The following NEBL variants were observed in gnomAD, a reference collection of about 807,000 sequenced individuals.
NEBL encodes nebulette, also known as LIM and SH3 protein 2.
In NEBL, 122 loss-of-function variants were observed where a neutral mutation model predicts 140.2. The ratio of observed to expected loss-of-function variants is 0.87; its 90% CI spans 0.75 to 1.01. The LOEUF (loss-of-function observed/expected upper bound fraction) is 1.01. NEBL is among the 50% of genes least tolerant of loss of function. The pLI is 0.00. For synonymous variants in NEBL, 436 were observed against 398.9 expected, an observed-to-expected ratio of 1.09 and a Z score of -1.11; for missense variants, 1,365 against 1,231.3, an observed-to-expected ratio of 1.11 and a Z score of -1.62.
chr10:21,235,122 C>G (rs1842330743), intron 3 of NEBL, among the ~76,000 whole-genome samples: 1 of 152,002 alleles, frequency 6.6e-6, no homozygotes, highest in African/African-American at 2.4e-5. Flanking sequence ...TAGTGAGATG[C>G]CATTTCTACA....
intron 4 of NEBL, among the ~76,000 whole-genome samples, chr10:20,957,307 T>C (rs1198707871): frequency 2.0e-5 from 3 of 152,164 alleles, no homozygotes; most frequent in Non-Finnish European, 4.4e-5. Flanking sequence ...TGAAAAATTA[T>C]GTAGTGTAGC....
At chr10:20,950,531 C>T (rs963174796) in intron 4 of NEBL, among the ~76,000 whole-genome samples, 5 of 152,158 alleles carry the variant, frequency 3.3e-5, no homozygotes, top group African/African-American at 1.2e-4. Flanking sequence ...CTAGGATGAA[C>T]ATGAAACACA....
intron 4 of NEBL, among the ~76,000 whole-genome samples, chr10:20,882,253 AAG>A (rs1444352456): frequency 2.6e-5 from 4 of 151,584 alleles, no homozygotes; most frequent in Non-Finnish European, 4.4e-5. Context: ...GGAAAAGGAA[AAG>A]AGAGGAGGAA....
intron 3 of NEBL, among the ~76,000 whole-genome samples, chr10:20,984,390 G>A (rs1163210099): frequency 2.6e-5 from 4 of 152,170 alleles, no homozygotes; most frequent in Non-Finnish European, 4.4e-5. Flanking sequence ...TGTTGTTTAT[G>A]TTTTTCATGT....
rs1839890581 is a variant in NEBL, at chr10:20,826,517, C to T, written c.1799G>A (p.Gly600Glu). The change falls in exon 18 of 28, where the codon GGA becomes GAA. Residue 600 changes from glycine to glutamate, a missense_variant. Gly to Glu is a moderately conservative substitution (Grantham distance 98). Coordinates refer to ENST00000377122, the MANE Select transcript of NEBL (RefSeq NM_006393.3). ...GCTATCTTTCACTGCAGTGCCAGCT[C>T]CCACTTCTTTCTTATAAAATACCTT... ...ISAVFYKKEVGAGTAVKDSPE... is the reference protein window; with the variant it reads ...ISAVFYKKEVEAGTAVKDSPE... 4 of 1,611,712 alleles carry T rather than the reference C, an allele frequency of 2.5e-6. No homozygotes were observed. Among genetic ancestry groups the T allele is most frequent in the African/African-American group, 1.3e-5 (1 of 74,842 alleles).
At position 21,101,742 on chromosome 10, in the gene NEBL, C is replaced by T. The variant is rs557875319; in HGVS notation, c.164+70641G>A. ...TTCCAGACCCAAGGAGTGTCAAGCACGCCACTAAAACAACTTTGTGCCCAG... is the reference window on the plus strand; with the variant it reads ...TTCCAGACCCAAGGAGTGTCAAGCATGCCACTAAAACAACTTTGTGCCCAG... On this transcript the variant is annotated intron_variant, in intron 2 of 6. Transcript: ENST00000417816. 9.8e-5 allele frequency among the ~76,000 whole-genome samples: 15 copies of T among 152,310 alleles called. 1 individual carries two copies. The highest frequency in any genetic ancestry group is 3.9e-4 in the East Asian group (2 of 5,186).
In NEBL at chr10:20,831,263, C is replaced by T. The variant is rs1392651216; in HGVS notation, c.1604G>A (p.Gly535Glu). Reference protein sequence around the residue: ...KDLENEIKGKGMQVSMDIPDI... With the variant: ...KDLENEIKGKEMQVSMDIPDI... ...TGGGATATCCATGCTCACTTGCATT[C>T]CTTTCCCTTTAATTTCATTTTCTAA... Residue 535 changes from glycine to glutamate, a missense_variant, in exon 16 of 28, where the codon GGA becomes GAA. By Grantham distance (98) the Gly-to-Glu change is moderately conservative. Transcript: ENST00000377122. 5 of 1,613,258 alleles carry T rather than the reference C, an allele frequency of 3.1e-6. No individual in the cohort carries two copies. The highest frequency in any genetic ancestry group is 4.2e-6 in the Non-Finnish European group (5 of 1,179,674).
chr10:20,809,724 T>C, intron 25 of NEBL, 82 bp downstream of exon 25: 2 of 1,121,728 alleles, frequency 1.8e-6, no homozygotes, highest in Non-Finnish European at 2.7e-6. Flanking sequence ...CATTACACAG[T>C]ACAATGAACC....
intron 13 of NEBL, among the ~76,000 whole-genome samples, chr10:20,836,261 C>T (rs1346541731): frequency 3.3e-5 from 5 of 151,952 alleles, no homozygotes; most frequent in Admixed American, 1.3e-4. Context: ...CTTGCTCTCT[C>T]GCGCAGGCTG....
intron 4 of NEBL, among the ~76,000 whole-genome samples, chr10:20,926,428 C>CT (rs1440947284): frequency 1.3e-5 from 2 of 152,052 alleles, no homozygotes; most frequent in African/African-American, 4.8e-5. Context: ...CTCATTTTTC[C>CT]TTTTTTCAGT....
intron 4 of NEBL, among the ~76,000 whole-genome samples, chr10:20,904,158 C>G (rs1475936785): frequency 6.6e-6 from 1 of 152,140 alleles, no homozygotes; most frequent in African/African-American, 2.4e-5. Flanking sequence ...ATTTCCAGAC[C>G]TTAGTAACTG....
intron 2 of NEBL, among the ~76,000 whole-genome samples, chr10:21,057,119 G>A (rs927227056): frequency 5.9e-5 from 9 of 152,090 alleles, no homozygotes; most frequent in African/African-American, 2.2e-4. Context: ...AAGTGGTTAA[G>A]CTGAGATTTC....
intron 4 of NEBL, among the ~76,000 whole-genome samples, chr10:20,906,968 C>A (rs541369881): frequency 6.6e-6 from 1 of 152,208 alleles, no homozygotes; most frequent in Non-Finnish European, 1.5e-5. Flanking sequence ...TCTTTAAAAT[C>A]CTGTGTATTT....
chr10:21,234,046 G>T (rs769852933), intron 3 of NEBL, among the ~76,000 whole-genome samples: 4,052 of 146,048 alleles, frequency 0.028, 167 homozygotes, highest in South Asian at 0.11. Context: ...TAGATAGATA[G>T]ATATCTCCAA....
At chr10:20,840,453 A>G (rs1841307738) in intron 13 of NEBL, among the ~76,000 whole-genome samples, 1 of 152,090 alleles carries the variant, frequency 6.6e-6, no homozygotes, top group Non-Finnish European at 1.5e-5. Context: ...TACCTTCCCA[A>G]TCATCTGCCT....
intron 25 of NEBL, among the ~76,000 whole-genome samples, chr10:20,809,561 A>C (rs1284775755): frequency 6.6e-6 from 1 of 152,220 alleles, no homozygotes; most frequent in African/African-American, 2.4e-5. Flanking sequence ...GAAATAATAT[A>C]AAAGCATTCT....
intron 4 of NEBL, among the ~76,000 whole-genome samples, chr10:20,945,819 C>G (rs773793639): frequency 6.6e-6 from 1 of 152,018 alleles, no homozygotes; most frequent in Non-Finnish European, 1.5e-5. Flanking sequence ...GATTCAAGTA[C>G]TGGACTTTGA....
At chr10:20,882,347 A>G (rs1356861886) in intron 4 of NEBL, among the ~76,000 whole-genome samples, 2 of 134,438 alleles carry the variant, frequency 1.5e-5, no homozygotes, top group African/African-American at 5.0e-5. Flanking sequence ...GGAAAAGGAA[A>G]AGGGGAAGGG....
intron 3 of NEBL, among the ~76,000 whole-genome samples, chr10:20,983,372 C>A (rs1341384545): frequency 6.6e-6 from 1 of 152,134 alleles, no homozygotes; most frequent in East Asian, 1.9e-4. Context: ...AAAGTATGCA[C>A]TAAACTCCAA....
Sources: gnomAD v4.1 joint callset for allele counts (sites outside exome capture counted in the v4.1 genomes callset) on GRCh38, gnomAD v4.1.1 for gene constraint, MANE v1.5 for transcripts, NCBI Gene and HGNC (gene_info 2026-07-23, HGNC 2026-07-21) for gene names.